MAX: variants seen among roughly 807,000 people sequenced by gnomAD.
The protein encoded by MAX is protein max.
A neutral mutation model predicts 22.3 loss-of-function variants in MAX; 3 were observed. The observed-to-expected ratio is 0.13, with a 90% confidence interval of 0.06 to 0.35. MAX has a LOEUF of 0.35. Ranked by LOEUF, MAX falls within the 10% of genes least tolerant of loss-of-function variation. The pLI, the probability that MAX is intolerant of heterozygous loss-of-function variation, is 1.00. For synonymous variants in MAX, 72 were observed against 77.7 expected, an observed-to-expected ratio of 0.93 and a Z score of 0.39; for missense variants, 119 against 209.4, an observed-to-expected ratio of 0.57 and a Z score of 2.66.
intron 3 of MAX, among the ~76,000 whole-genome samples, chr14:65,020,437 C>T (rs937121601): frequency 2.8e-5 from 4 of 143,420 alleles, no homozygotes; most frequent in African/African-American, 8.5e-5. Flanking sequence ...CAGCTTGCCT[C>T]TTTTTTTTTT....
At chr14:65,013,167 A>G (rs2061710211) in intron 3 of MAX, among the ~76,000 whole-genome samples, 1 of 152,106 alleles carries the variant, frequency 6.6e-6, no homozygotes, top group South Asian at 2.1e-4. Context: ...TGATTTGCCA[A>G]CTCAAATGCC....
intron 3 of MAX, among the ~76,000 whole-genome samples, chr14:65,064,991 T>C (rs1000607857): frequency 6.6e-6 from 1 of 152,244 alleles, no homozygotes; most frequent in South Asian, 2.1e-4. Context: ...CATTTATCTC[T>C]CTTTGCCCCA....
intron 3 of MAX, among the ~76,000 whole-genome samples, chr14:65,022,995 T>C (rs1431193604): frequency 6.6e-6 from 1 of 152,244 alleles, no homozygotes; most frequent in East Asian, 1.9e-4. Flanking sequence ...TTTTGTATTA[T>C]ATGCTTATTT....
rs1488902669 is a variant in MAX at position 65,025,991 on chromosome 14, A to G, written c.172-19707T>C. 2.6e-5 allele frequency among the ~76,000 whole-genome samples: 4 copies of G among 152,358 alleles called. No individual in the cohort carries two copies. The East Asian group carries it at 7.7e-4, about 29-fold the overall frequency. On this transcript the variant is annotated intron_variant, in intron 3 of 3. Transcript: ENST00000341653. Reference sequence around the variant, plus strand: ...GTTTGCTTTTGCTTTCTCTGCCCGGATAATGGGAACTCTGAAATCGAAAGC... The same window carrying G: ...GTTTGCTTTTGCTTTCTCTGCCCGGGTAATGGGAACTCTGAAATCGAAAGC...
chr14:65,093,518 A>G lies in MAX; in HGVS notation c.171+190T>C, dbSNP rs561967683. 546 of 614,090 alleles carry G rather than the reference A, an allele frequency of 8.9e-4. 9 individuals are homozygous for G. The South Asian group carries it at 9.8e-3, about 11-fold the overall frequency. 38.0% of individuals were successfully genotyped at this position (614,090 alleles called of 1,614,324 possible). A position where few individuals can be genotyped will look rare whatever the true frequency, so the allele number is the denominator to read the frequency against. ...CACAAATAGCTCCATTATATCTGAC[A>G]TATTTTGTTAAGGATAAACTGGAGT... is the stretch of plus-strand genomic sequence containing the variant. On this transcript the variant is annotated intron_variant, in intron 3 of 4. Coordinates refer to ENST00000358664, the MANE Select transcript of MAX (RefSeq NM_002382.5). The surrounding 1 kb of genome is among the most constrained non-coding windows in gnomAD (Gnocchi z 4.4).
intron 3 of MAX, among the ~76,000 whole-genome samples, chr14:65,043,491 C>G (rs1030908805): frequency 6.6e-6 from 1 of 152,106 alleles, no homozygotes; most frequent in Admixed American, 6.5e-5. Flanking sequence ...CCCCAGGTGC[C>G]AAGTAAAAGT....
At chr14:65,053,391 G>A in intron 3 of MAX, 1 of 1,363,252 alleles carries the variant, frequency 7.3e-7, no homozygotes, top group South Asian at 2.0e-5. Flanking sequence ...GAGGGGAGGA[G>A]AGAGCAGAGG....
chr14:65,075,649 T>C lies in MAX; in HGVS notation c.*827A>G. On this transcript the variant is annotated 3_prime_UTR_variant, in exon 5 of 5. Coordinates refer to ENST00000358664, the MANE Select transcript of MAX (RefSeq NM_002382.5). This position sits in a 1 kb window ranked among gnomAD's most constrained non-coding sequence, Gnocchi z 4.1. Reference sequence around the variant, plus strand: ...AAATTTAAGTAGCAGGAAATAAATATCAAAACATCATCACTGGCCCTCAAT... The same window carrying C: ...AAATTTAAGTAGCAGGAAATAAATACCAAAACATCATCACTGGCCCTCAAT... The C allele has an allele frequency of 9.4e-7, 1 of 1,066,360 alleles. No homozygotes were observed. The highest frequency in any genetic ancestry group is 1.1e-6 in the Non-Finnish European group (1 of 879,782). 66.1% of individuals were successfully genotyped at this position (1,066,360 alleles called of 1,614,324 possible).
At chr14:65,038,089 A>G (rs1368586316) in intron 3 of MAX, among the ~76,000 whole-genome samples, 1 of 152,034 alleles carries the variant, frequency 6.6e-6, no homozygotes, top group Non-Finnish European at 1.5e-5. Flanking sequence ...ATGACATCCC[A>G]TTAGTACATT....
Position 65,077,448 on chromosome 14 carries a change from C to T in MAX, c.295+465G>A, listed in dbSNP as rs763924553. 1.6e-5 allele frequency: 24 copies of T among 1,533,418 alleles called. No homozygotes were observed. The highest frequency in any genetic ancestry group is 6.8e-5 in the African/African-American group (5 of 73,302). The allele number at this position is 1,533,418 out of a possible 1,614,324, so 95.0% of individuals were successfully genotyped here. ...TTTCCCCTGTGGTTGTAGGAAAAGG[C>T]GGGTGTGAGCATTGAGAACAGCATG... is the stretch of plus-strand genomic sequence containing the variant. On this transcript the variant is annotated intron_variant, in intron 4 of 4. Coordinates refer to ENST00000358664, the MANE Select transcript of MAX (RefSeq NM_002382.5). This position sits in a 1 kb window ranked among gnomAD's most constrained non-coding sequence, Gnocchi z 6.3.
Position 65,076,016 on chromosome 14 carries a change from G to C in MAX, c.*460C>G. 1.8e-6 allele frequency: 2 copies of C among 1,108,550 alleles called. No individual in the cohort carries two copies. Among genetic ancestry groups the C allele is most frequent in the Non-Finnish European group, 2.2e-6 (2 of 905,748 alleles). The allele number at this position is 1,108,550 out of a possible 1,614,324, so 68.7% of individuals were successfully genotyped here. ...GGTTCATTCTGATTACTCCAAACCG[G>C]TCATCTTCTCAAAGTAGAGCAGTTC... On this transcript the variant is annotated 3_prime_UTR_variant, in exon 5 of 5. Coordinates refer to ENST00000358664, the MANE Select transcript of MAX (RefSeq NM_002382.5). The surrounding 1 kb of genome is among the most constrained non-coding windows in gnomAD (Gnocchi z 6.6).
At chr14:65,006,189 A>G (rs1359529539) in exon 4 of MAX, 3 of 1,597,360 alleles carry the variant, frequency 1.9e-6, no homozygotes, top group Middle Eastern at 1.7e-4. Flanking sequence ...CATTTCCTTA[A>G]GAAACTTTTT....
Position 65,007,384 on chromosome 14 carries a change from G to A in MAX, c.172-1100C>T, listed in dbSNP as rs1256291765. On this transcript the variant is annotated intron_variant, in intron 3 of 3. Coordinates refer to the MAX transcript ENST00000341653. This position sits in a 1 kb window ranked among gnomAD's most constrained non-coding sequence, Gnocchi z 4.9. ...TTGTTTGTGTGTCTGAGGTCATGAT[G>A]CTGATCAAATGGGACAGACTCACAC... is the stretch of plus-strand genomic sequence containing the variant. 1.3e-5 allele frequency among the ~76,000 whole-genome samples: 2 copies of A among 152,194 alleles called. No individual in the cohort carries two copies. Among genetic ancestry groups the A allele is most frequent in the Non-Finnish European group, 2.9e-5 (2 of 68,028 alleles).
rs952130282 is a variant in MAX at position 65,079,364 on chromosome 14, C to T, written c.172-1328G>A. 8.5e-5 allele frequency among the ~76,000 whole-genome samples: 13 copies of T among 152,222 alleles called. No homozygotes were observed. Among genetic ancestry groups the T allele is most frequent in the Admixed American group, 6.5e-5 (1 of 15,288 alleles). On this transcript the variant is annotated intron_variant, in intron 3 of 4. Coordinates refer to ENST00000358664, the MANE Select transcript of MAX (RefSeq NM_002382.5). This position sits in a 1 kb window ranked among gnomAD's most constrained non-coding sequence, Gnocchi z 4.5. ...CACCTCTACAATGGCTGTGGGTTGC[C>T]TGGGTACTGCCTTGCTAGAGTAAGT... is the stretch of plus-strand genomic sequence containing the variant.
chr14:65,061,552 TTGG>T (rs1319948853), intron 3 of MAX: 2 of 539,312 alleles, frequency 3.7e-6, no homozygotes, highest in Admixed American at 3.3e-5. Context: ...CGTGGTGTGG[TTGG>T]TGAACAGTGC....
At chr14:65,083,725 A>G in intron 3 of MAX, 1 of 1,053,884 alleles carries the variant, frequency 9.5e-7, no homozygotes, top group Non-Finnish European at 1.1e-6. Flanking sequence ...GAGGGATGAA[A>G]AAAGAGGTAC....
downstream of MAX, among the ~76,000 whole-genome samples, chr14:65,073,784 C>T (rs74056649): frequency 2.8e-3 from 420 of 152,296 alleles, 1 homozygote; most frequent in African/African-American, 9.7e-3. Context: ...AGCTCCCCTG[C>T]CCTGTGTTCC....
chr14:65,067,467 T>G (rs1238100255), intron 3 of MAX, among the ~76,000 whole-genome samples: 2 of 152,176 alleles, frequency 1.3e-5, no homozygotes, highest in African/African-American at 4.8e-5. Flanking sequence ...AGCTGTCATG[T>G]CTCATGTCTC....
At chr14:65,019,358 G>A (rs527671792) in intron 3 of MAX, among the ~76,000 whole-genome samples, 1 of 149,800 alleles carries the variant, frequency 6.7e-6, no homozygotes, top group African/African-American at 2.5e-5. Flanking sequence ...GTGGTGGCTG[G>A]CACCTGTAAT....
Sources: gnomAD v4.1 joint callset for allele counts (sites outside exome capture counted in the v4.1 genomes callset) on GRCh38, gnomAD v4.1.1 for gene constraint, Gnocchi (gnomAD v3.1) non-coding constraint, MANE v1.5 for transcripts, NCBI Gene and HGNC (gene_info 2026-07-23, HGNC 2026-07-21) for gene names.